The following ZYG11B variants were observed in gnomAD, a reference collection of about 807,000 sequenced individuals.
ZYG11B encodes protein zyg-11 homolog B.
ZYG11B carries 36 observed loss-of-function variants against 82.4 expected under a neutral mutation model. The ratio of observed to expected loss-of-function variants is 0.44; its 90% CI spans 0.33 to 0.58. The LOEUF is 0.58. Among genes scored for constraint, ZYG11B ranks in the 20% least tolerant of loss-of-function variants. ZYG11B has a pLI of 0.02. For missense variants in ZYG11B, 552 were observed against 895.6 expected (o/e 0.62, Z 4.90); for synonymous variants, 303 against 312.8 (o/e 0.97, Z 0.33).
chr1:52,815,433 C>A (rs992715598), intron 12 of ZYG11B, among the ~76,000 whole-genome samples: 1 of 152,004 alleles, frequency 6.6e-6, no homozygotes, highest in African/African-American at 2.4e-5. Context: ...TCAGCCTGAG[C>A]AACATAGTGA....
At chr1:52,817,467 C>T (rs946343161) in intron 13 of ZYG11B, among the ~76,000 whole-genome samples, 10 of 151,886 alleles carry the variant, frequency 6.6e-5, no homozygotes, top group Admixed American at 3.3e-4. Flanking sequence ...TAACAGCTCA[C>T]TGCAACCTTG....
At position 52,803,173 on chromosome 1, in the gene ZYG11B, C is replaced by CAT. The variant is rs754709420; in HGVS notation, c.1695+1048_1695+1049dup. ...ATATATACACATATATATATACACA[C>CAT]ATATATATATATATACACATATATA... On this transcript the variant is annotated intron_variant, in intron 10 of 13. Transcript: ENST00000294353. Among the ~76,000 whole-genome samples the CAT allele has an allele frequency of 3.9e-3, 215 of 55,458 alleles. 13 individuals are homozygous for CAT. Among genetic ancestry groups the CAT allele is most frequent in the African/African-American group, 4.8e-3 (21 of 4,408 alleles). The allele number at this position is 55,458 out of a possible 152,430, so 36.4% of individuals were successfully genotyped here. A position where few individuals can be genotyped will look rare whatever the true frequency, so the allele number is the denominator to read the frequency against.
chr1:52,726,980 TTAACCC>T (rs1483694530), intron 1 of ZYG11B, among the ~76,000 whole-genome samples: 1 of 151,968 alleles, frequency 6.6e-6, no homozygotes, highest in East Asian at 1.9e-4. Flanking sequence ...TCCTTGTCCT[TTAACCC>T]TAACCCTTCC....
chr1:52,786,258 G>A (rs1290186766), intron 5 of ZYG11B, among the ~76,000 whole-genome samples: 1 of 152,058 alleles, frequency 6.6e-6, no homozygotes, highest in Non-Finnish European at 1.5e-5. Context: ...AGGAAATGGG[G>A]TGGGGGAAAT....
chr1:52,821,285 G>C (rs1449770523), intron 13 of ZYG11B, among the ~76,000 whole-genome samples, 154 bp from the exon 14 acceptor site: 2 of 151,880 alleles, frequency 1.3e-5, no homozygotes, highest in East Asian at 3.8e-4. Context: ...CATCAGTATA[G>C]AGGTTATTTA....
At chr1:52,814,820 A>G (rs187283619) in intron 12 of ZYG11B, among the ~76,000 whole-genome samples, 140 of 152,338 alleles carry the variant, frequency 9.2e-4, no homozygotes, top group African/African-American at 3.3e-3. Flanking sequence ...GTATTAATGT[A>G]GGAAGGTCTA....
chr1:52,778,505 A>T (rs1408671539), intron 3 of ZYG11B, among the ~76,000 whole-genome samples: 1 of 152,190 alleles, frequency 6.6e-6, no homozygotes, highest in Admixed American at 6.6e-5. Context: ...TGGAGGCTTA[A>T]TTAGACTTAC....
At chr1:52,787,500 C>G (rs1238946413) in intron 5 of ZYG11B, among the ~76,000 whole-genome samples, 1 of 152,132 alleles carries the variant, frequency 6.6e-6, no homozygotes, top group Non-Finnish European at 1.5e-5. Flanking sequence ...GTAATAGATT[C>G]TTTTTCTGAA....
chr1:52,766,322 T>C, intron 2 of ZYG11B, among the ~76,000 whole-genome samples: 1 of 152,002 alleles, frequency 6.6e-6, no homozygotes, highest in Non-Finnish European at 1.5e-5. Context: ...GGTTTCGTCA[T>C]GTTGGTCAGG....
chr1:52,821,739 A>G lies in ZYG11B; in HGVS notation c.*110A>G. The stretch of plus-strand genomic sequence containing the variant: ...GGGGGTTTCTATGACAAGAGTCATA[A>G]AATCAGTTTGGGATTGATAATGTGT... On this transcript the variant is annotated 3_prime_UTR_variant, in exon 14 of 14. Coordinates refer to ENST00000294353, the MANE Select transcript of ZYG11B (RefSeq NM_024646.3). 9.4e-7 allele frequency: 1 copy of G among 1,059,276 alleles called. No individual in the cohort carries two copies. The highest frequency in any genetic ancestry group is 1.4e-6 in the Non-Finnish European group (1 of 739,852). The allele number at this position is 1,059,276 out of a possible 1,614,324, so 65.6% of individuals were successfully genotyped here. A position where few individuals can be genotyped will look rare whatever the true frequency, so the allele number is the denominator to read the frequency against.
At chr1:52,766,287 A>C (rs1644689430) in intron 2 of ZYG11B, among the ~76,000 whole-genome samples, 1 of 151,430 alleles carries the variant, frequency 6.6e-6, no homozygotes, top group African/African-American at 2.4e-5. Context: ...TGCCCAGCTA[A>C]TTTTTGTATT....
chr1:52,792,893 T>G (rs1274199359), intron 6 of ZYG11B, among the ~76,000 whole-genome samples: 1 of 152,112 alleles, frequency 6.6e-6, no homozygotes, highest in Non-Finnish European at 1.5e-5. Flanking sequence ...CAGGCTAGAG[T>G]GCAATAGCAA....
At chr1:52,783,862 A>ATGTACATACACGTGTGTGTGTG (rs1644882600) in intron 4 of ZYG11B, among the ~76,000 whole-genome samples, 1 of 124,068 alleles carries the variant, frequency 8.1e-6, no homozygotes, top group Non-Finnish European at 1.7e-5. Flanking sequence ...GTGTGTGTGT[A>ATGTACATACACGTGTGTGTGTG]TGTACATACA....
intron 4 of ZYG11B, among the ~76,000 whole-genome samples, 172 bp from the exon 5 acceptor site, chr1:52,784,699 GTGAGGT>G (rs1644898424): frequency 1.3e-5 from 2 of 152,198 alleles, no homozygotes; most frequent in Admixed American, 1.3e-4. Context: ...ACCTGCCTTG[GTGAGGT>G]AGACTGGAAC....
At chr1:52,727,142 C>T (rs1474089686) in intron 1 of ZYG11B, among the ~76,000 whole-genome samples, 1 of 151,948 alleles carries the variant, frequency 6.6e-6, no homozygotes, top group South Asian at 2.1e-4. Flanking sequence ...CTCCGTGTTC[C>T]TTCTCCCCTT....
At chr1:52,732,947 G>C (rs927666930) in intron 1 of ZYG11B, among the ~76,000 whole-genome samples, 1 of 152,018 alleles carries the variant, frequency 6.6e-6, no homozygotes, top group Non-Finnish European at 1.5e-5. Context: ...TTGCACTCCA[G>C]CCTGGGCAAA....
chr1:52,796,449 T>A, intron 7 of ZYG11B, 58 bp downstream of exon 7: 1 of 1,374,746 alleles, frequency 7.3e-7, no homozygotes, highest in East Asian at 2.3e-5. Flanking sequence ...CTACATTTAC[T>A]GTTTCCCCCC....
intron 1 of ZYG11B, among the ~76,000 whole-genome samples, chr1:52,752,146 C>A (rs1199936026): frequency 6.6e-6 from 1 of 152,156 alleles, no homozygotes; most frequent in Non-Finnish European, 1.5e-5. Flanking sequence ...TCTGGATTAA[C>A]CACAACACCT....
At chr1:52,796,427 A>C in intron 7 of ZYG11B, 36 bp downstream of exon 7, 1 of 1,534,630 alleles carries the variant, frequency 6.5e-7, no homozygotes, top group East Asian at 2.3e-5. Context: ...TTCTGTAGAC[A>C]GCTGTTTCTC....
Sources: allele counts gnomAD v4.1 joint callset (sites outside exome capture counted in the v4.1 genomes callset), GRCh38; gene constraint gnomAD v4.1.1; transcripts MANE v1.5; gene names NCBI Gene and HGNC (gene_info 2026-07-23, HGNC 2026-07-21).